The following RARB variants were observed in gnomAD, a reference collection of about 807,000 sequenced individuals.
The protein encoded by RARB is HBV-activated protein.
In RARB, 17 loss-of-function variants were observed where a neutral mutation model predicts 51.9. The ratio of observed to expected loss-of-function variants is 0.33; its 90% CI spans 0.22 to 0.49. The LOEUF is 0.49. RARB is among the 20% of genes least tolerant of loss of function. The pLI is 0.99. For missense variants in RARB, 369 were observed against 550.8 expected (o/e 0.67, Z 3.30); for synonymous variants, 215 against 195.4 (o/e 1.10, Z -0.84).
At chr3:24,901,217 G>A (rs1208431635) in intron 2 of RARB, among the ~76,000 whole-genome samples, 1 of 152,146 alleles carries the variant, frequency 6.6e-6, no homozygotes, top group Non-Finnish European at 1.5e-5. Flanking sequence ...TCCTTTCCTG[G>A]GAAACTGGGA....
At chr3:25,013,334 C>G (rs759613823) in intron 2 of RARB, among the ~76,000 whole-genome samples, 21 of 152,114 alleles carry the variant, frequency 1.4e-4, no homozygotes, top group Non-Finnish European at 3.1e-4. Context: ...ATGAAAGATG[C>G]ATTTGGCCCT....
At chr3:25,104,537 G>A (rs564398793) in intron 3 of RARB, among the ~76,000 whole-genome samples, 18 of 152,174 alleles carry the variant, frequency 1.2e-4, no homozygotes, top group African/African-American at 3.6e-4. Context: ...CCAGCTACTC[G>A]GGAGGCTATG....
At chr3:25,534,029 T>C (rs555134458) in intron 3 of RARB, among the ~76,000 whole-genome samples, 2 of 152,354 alleles carry the variant, frequency 1.3e-5, no homozygotes, top group South Asian at 4.1e-4. Flanking sequence ...TAAGAAATGC[T>C]TTTACTATGT....
At chr3:24,973,776 C>T (rs971576955) in intron 2 of RARB, among the ~76,000 whole-genome samples, 1 of 151,938 alleles carries the variant, frequency 6.6e-6, no homozygotes, top group East Asian at 1.9e-4. Context: ...TATATAAATA[C>T]TACTGATTTT....
chr3:25,279,297 G>A (rs1211381615), intron 5 of RARB, among the ~76,000 whole-genome samples: 2 of 152,134 alleles, frequency 1.3e-5, no homozygotes, highest in African/African-American at 2.4e-5. Context: ...TTCCCCCACT[G>A]CATCATAAAT....
At chr3:25,080,009 C>G (rs1698961647) in intron 3 of RARB, among the ~76,000 whole-genome samples, 1 of 152,140 alleles carries the variant, frequency 6.6e-6, no homozygotes, top group Admixed American at 6.5e-5. Context: ...ATTGATTAAA[C>G]AATGTTGTAC....
At chr3:25,266,277 C>T (rs763030378) in intron 5 of RARB, among the ~76,000 whole-genome samples, 75 of 152,026 alleles carry the variant, frequency 4.9e-4, no homozygotes, top group Admixed American at 1.5e-3. Flanking sequence ...GGTTCTAGCC[C>T]TTCGGAATCC....
intron 2 of RARB, among the ~76,000 whole-genome samples, chr3:24,919,829 T>TTTG (rs1198635839): frequency 6.6e-6 from 1 of 152,216 alleles, no homozygotes; most frequent in Non-Finnish European, 1.5e-5. Context: ...AGTTTCCTCT[T>TTTG]TCTGCTCATT....
At chr3:25,561,001 G>T (rs559882347) in intron 3 of RARB, among the ~76,000 whole-genome samples, 35 of 152,234 alleles carry the variant, frequency 2.3e-4, no homozygotes, top group African/African-American at 7.2e-4. Flanking sequence ...GATCCTGTGT[G>T]CAATGAACAA....
intron 5 of RARB, among the ~76,000 whole-genome samples, chr3:25,279,717 T>G (rs1703476310): frequency 6.6e-6 from 1 of 152,046 alleles, no homozygotes. Flanking sequence ...AATGAGAAGG[T>G]CTTGGTGGTG....
At chr3:25,558,708 C>A (rs554912234) in intron 3 of RARB, among the ~76,000 whole-genome samples, 1 of 152,192 alleles carries the variant, frequency 6.6e-6, no homozygotes, top group South Asian at 2.1e-4. Flanking sequence ...TTCATGCCCC[C>A]TCAAACCAAA....
chr3:25,004,693 C>G (rs1697232801), intron 2 of RARB, among the ~76,000 whole-genome samples: 1 of 152,152 alleles, frequency 6.6e-6, no homozygotes, highest in South Asian at 2.1e-4. Flanking sequence ...ATTTAGATCC[C>G]CATGAAACTG....
intron 5 of RARB, among the ~76,000 whole-genome samples, chr3:25,282,599 G>A (rs889891397): frequency 1.3e-5 from 2 of 152,140 alleles, no homozygotes; most frequent in Non-Finnish European, 2.9e-5. Flanking sequence ...ATTAGTCCCT[G>A]GAATATAGAT....
intron 2 of RARB, among the ~76,000 whole-genome samples, chr3:24,934,437 G>A (rs1453330095): frequency 6.6e-6 from 1 of 151,974 alleles, no homozygotes; most frequent in Non-Finnish European, 1.5e-5. Context: ...TTGTCTTTCT[G>A]AGTTACACAT....
chr3:25,105,336 A>T (rs762623645), intron 3 of RARB, among the ~76,000 whole-genome samples: 1 of 151,848 alleles, frequency 6.6e-6, no homozygotes, highest in Non-Finnish European at 1.5e-5. Context: ...TAGTAAAAAG[A>T]TAGTAAAACG....
At chr3:24,970,616 C>G (rs1221677411) in intron 2 of RARB, among the ~76,000 whole-genome samples, 1 of 151,398 alleles carries the variant, frequency 6.6e-6, no homozygotes, top group African/African-American at 2.4e-5. Context: ...AACACACCCC[C>G]TCTGCTACCA....
At chr3:25,469,981 G>A (rs1315364430) in intron 2 of RARB, among the ~76,000 whole-genome samples, 3 of 152,214 alleles carry the variant, frequency 2.0e-5, no homozygotes, top group African/African-American at 7.2e-5. Flanking sequence ...GCATGTGGGA[G>A]TGGTGCTGGG....
chr3:24,879,832 C>G (rs1026686048), intron 2 of RARB, among the ~76,000 whole-genome samples: 1 of 151,630 alleles, frequency 6.6e-6, no homozygotes, highest in East Asian at 1.9e-4. Context: ...TGTAGATTTT[C>G]TTGCAGATCT....
intron 4 of RARB, among the ~76,000 whole-genome samples, chr3:25,146,694 AT>A (rs1386449104): frequency 6.0e-5 from 9 of 149,068 alleles, no homozygotes; most frequent in South Asian, 4.3e-4. Context: ...TTTTTTTTGT[AT>A]TTTTTAGTAG....
Sources: allele counts gnomAD v4.1 joint callset (sites outside exome capture counted in the v4.1 genomes callset), GRCh38; gene constraint gnomAD v4.1.1; transcripts MANE v1.5; gene names NCBI Gene and HGNC (gene_info 2026-07-23, HGNC 2026-07-21).